Variants in ARHGAP8 observed in about 807,000 individuals in gnomAD.
ARHGAP8 encodes the protein rho GTPase-activating protein 8.
A neutral mutation model predicts 46.1 loss-of-function variants in ARHGAP8; 62 were observed. The observed-to-expected ratio is 1.34, with a 90% CI of 1.10 to 1.66. The LOEUF (loss-of-function observed/expected upper bound fraction) is 1.66. Ranked by LOEUF, ARHGAP8 falls within the 40% of genes most tolerant of loss-of-function variation. ARHGAP8 has a pLI of 0.00. For missense variants in ARHGAP8, 923 were observed against 568.4 expected, an observed-to-expected ratio of 1.62 and a Z score of -6.34; for synonymous variants, 375 against 243.1, an observed-to-expected ratio of 1.54 and a Z score of -5.05.
chr22:44,845,705 G>A (rs888535628), intron 8 of ARHGAP8, among the ~76,000 whole-genome samples: 2 of 152,172 alleles, frequency 1.3e-5, no homozygotes, highest in African/African-American at 2.4e-5. Context: ...CTCTCGAAAT[G>A]GGGACTCCTC....
chr22:44,788,609 G>T (rs550350442), intron 2 of ARHGAP8, among the ~76,000 whole-genome samples: 22 of 152,166 alleles, frequency 1.4e-4, no homozygotes, highest in African/African-American at 5.1e-4. Context: ...GGCCAGGCTG[G>T]TCTCGAACTC....
chr22:44,804,379 T>G (rs948204496), intron 3 of ARHGAP8, among the ~76,000 whole-genome samples: 1 of 151,366 alleles, frequency 6.6e-6, no homozygotes, highest in Non-Finnish European at 1.5e-5. Context: ...TCCCTGTCTG[T>G]GTGAGTGAGA....
chr22:44,808,131 C>T (rs528633678), intron 3 of ARHGAP8, among the ~76,000 whole-genome samples, 176 bp from the exon 4 acceptor site: 1 of 152,216 alleles, frequency 6.6e-6, no homozygotes, highest in African/African-American at 2.4e-5. Context: ...CTTAACGTCT[C>T]TGAGCCTCAG....
intron 11 of ARHGAP8, among the ~76,000 whole-genome samples, chr22:44,860,332 G>A (rs2349859): frequency 0.2 from 30,222 of 151,992 alleles, 3,650 homozygotes; most frequent in Admixed American, 0.25. Flanking sequence ...AAGGTGTGGC[G>A]GGCTGTGCTC....
At chr22:44,862,131 AC>A in intron 11 of ARHGAP8, 143 bp from the exon 12 acceptor site, 1 of 979,426 alleles carries the variant, frequency 1.0e-6, no homozygotes, top group African/African-American at 1.6e-5. Flanking sequence ...AGGTGGCTGC[AC>A]AGGGTCCCCA....
chr22:44,787,917 TC>T (rs1927379516), intron 2 of ARHGAP8, among the ~76,000 whole-genome samples: 3 of 132,840 alleles, frequency 2.3e-5, no homozygotes, highest in Non-Finnish European at 4.8e-5. Context: ...GCCCCAAATG[TC>T]CTTTTTTTTT....
chr22:44,784,862 A>G (rs1361994118), intron 1 of ARHGAP8, among the ~76,000 whole-genome samples: 1 of 152,154 alleles, frequency 6.6e-6, no homozygotes. Context: ...TACTCAATGC[A>G]TATTTGTTGA....
chr22:44,856,254 C>CTTTTTTTTTTTTTTTT (rs557242169), intron 10 of ARHGAP8, among the ~76,000 whole-genome samples: 1 of 86,824 alleles, frequency 1.2e-5, no homozygotes, highest in Non-Finnish European at 2.1e-5. Context: ...TATAAATTCC[C>CTTTTTTTTTTTTTTTT]TTTTTTTTTT....
intron 2 of ARHGAP8, among the ~76,000 whole-genome samples, chr22:44,799,079 C>T (rs930615873): frequency 6.6e-6 from 1 of 152,208 alleles, no homozygotes; most frequent in East Asian, 1.9e-4. Context: ...ACCTGGGGGG[C>T]CCCCAAGGTC....
At chr22:44,857,664 G>A (rs926230240) in intron 10 of ARHGAP8, among the ~76,000 whole-genome samples, 2 of 152,096 alleles carry the variant, frequency 1.3e-5, no homozygotes, top group African/African-American at 2.4e-5. Context: ...TTCCCTCTGG[G>A]TATAGGGAAG....
intron 3 of ARHGAP8, 40 bp downstream of exon 3, chr22:44,802,204 C>T: frequency 1.2e-6 from 2 of 1,609,956 alleles, no homozygotes; most frequent in South Asian, 1.1e-5. Flanking sequence ...CCTGTCTCTC[C>T]ATGTTGCTTG....
At chr22:44,825,676 C>A in intron 7 of ARHGAP8, 83 bp downstream of exon 7, 1 of 1,465,678 alleles carries the variant, frequency 6.8e-7, no homozygotes, top group Non-Finnish European at 9.2e-7. Context: ...AAATATTTTC[C>A]CCAGACGTTT....
chr22:44,825,028 A>G (rs1310332139), intron 6 of ARHGAP8, among the ~76,000 whole-genome samples: 1 of 151,146 alleles, frequency 6.6e-6, no homozygotes, highest in East Asian at 1.9e-4. Context: ...TTCTTGTTTC[A>G]TTCAACAAAT....
intron 1 of ARHGAP8, among the ~76,000 whole-genome samples, chr22:44,780,026 A>C (rs1433912390): frequency 1.3e-5 from 2 of 152,194 alleles, no homozygotes; most frequent in Non-Finnish European, 2.9e-5. Flanking sequence ...AGGTGGCAGC[A>C]GGTGTCCCAT....
intron 1 of ARHGAP8, among the ~76,000 whole-genome samples, chr22:44,778,671 G>A (rs132483): frequency 6.6e-6 from 1 of 151,914 alleles, no homozygotes; most frequent in Non-Finnish European, 1.5e-5. Flanking sequence ...CCTGTTCACC[G>A]CAGCCACGCC....
intron 7 of ARHGAP8, among the ~76,000 whole-genome samples, chr22:44,831,450 C>G (rs1317083802): frequency 6.6e-6 from 1 of 152,142 alleles, no homozygotes; most frequent in Non-Finnish European, 1.5e-5. Flanking sequence ...AATCCCAGCA[C>G]TTTGGGAGGC....
chr22:44,806,837 G>A (rs1178234292), intron 3 of ARHGAP8, among the ~76,000 whole-genome samples: 3 of 151,802 alleles, frequency 2.0e-5, no homozygotes, highest in South Asian at 2.1e-4. Context: ...GGTGGCAGGC[G>A]CCTGTAGTCC....
intron 7 of ARHGAP8, among the ~76,000 whole-genome samples, chr22:44,832,679 C>G (rs983777804): frequency 2.6e-5 from 4 of 152,076 alleles, no homozygotes; most frequent in Admixed American, 1.3e-4. Context: ...TTTTCTATAT[C>G]CAGGATCATG....
chr22:44,822,372 C>G lies in ARHGAP8; in HGVS notation c.388C>G (p.His130Asp). 6.3e-7 allele frequency: 1 copy of G among 1,580,136 alleles called. No homozygotes were observed. Among genetic ancestry groups the G allele is most frequent in the Non-Finnish European group, 8.6e-7 (1 of 1,168,054 alleles). Residue 130 changes from histidine to aspartate, a missense_variant and splice_region_variant, in exon 6 of 12, where the codon CAC (histidine) becomes GAC (aspartate). Transcript: ENST00000356099. ...LWNILKPLIS[H>D]KFGKKVIYFN... is the part of the protein sequence containing the mutation. The stretch of plus-strand genomic sequence containing the variant: ...ATTCTCTTGCTTCTGCTTTCTTAGT[C>G]ACAAGTTTGGGAAGAAAGTCATCTA...
Sources: gnomAD v4.1 joint callset for allele counts (sites outside exome capture counted in the v4.1 genomes callset) on GRCh38, gnomAD v4.1.1 for gene constraint, MANE v1.5 for transcripts, NCBI Gene and HGNC (gene_info 2026-07-23, HGNC 2026-07-21) for gene names.